Variants in SRGAP2 observed in about 807,000 individuals in gnomAD.
SRGAP2 encodes the protein SLIT-ROBO Rho GTPase-activating protein 2.
A neutral mutation model predicts 57.2 loss-of-function variants in SRGAP2; 15 were observed. That is an observed-to-expected ratio of 0.26 (90% CI 0.18 to 0.40). The LOEUF is 0.40. Ranked by LOEUF, SRGAP2 falls within the 10% of genes least tolerant of loss-of-function variation. SRGAP2 has a pLI of 1.00. For synonymous variants in SRGAP2, 249 were observed against 248.0 expected (o/e 1.00, Z -0.04); for missense variants, 520 against 669.6 (o/e 0.78, Z 2.47).
chr1:206,208,672 C>T (rs1367887465), intron 2 of SRGAP2, among the ~76,000 whole-genome samples: 3 of 152,206 alleles, frequency 2.0e-5, no homozygotes, highest in Admixed American at 6.5e-5. Context: ...TTTGGCTCTG[C>T]CCCCGACTAG....
chr1:206,396,295 GT>G (rs1291708861), intron 7 of SRGAP2, among the ~76,000 whole-genome samples: 1 of 142,216 alleles, frequency 7.0e-6, no homozygotes, highest in East Asian at 2.0e-4. Flanking sequence ...GGTTGGTTGG[GT>G]TTTTGTTGTT....
At chr1:206,296,633 T>G (rs1671612796) in intron 2 of SRGAP2, among the ~76,000 whole-genome samples, 2 of 152,190 alleles carry the variant, frequency 1.3e-5, no homozygotes, top group Non-Finnish European at 2.9e-5. Flanking sequence ...GATTTTGCCA[T>G]GTTGCCCAGG....
intron 2 of SRGAP2, among the ~76,000 whole-genome samples, chr1:206,253,668 C>T (rs1282959265): frequency 4.7e-5 from 7 of 149,046 alleles, no homozygotes; most frequent in Admixed American, 4.0e-4. Context: ...CTCCGCCTCC[C>T]GGGTTCACGC....
chr1:206,451,185 A>G (rs918130726), intron 19 of SRGAP2, among the ~76,000 whole-genome samples: 11 of 152,056 alleles, frequency 7.2e-5, no homozygotes, highest in African/African-American at 1.9e-4. Context: ...CCGGAACCCA[A>G]TAGAAGCAAG....
intron 2 of SRGAP2, among the ~76,000 whole-genome samples, chr1:206,226,507 T>G (rs1328963484): frequency 4.6e-5 from 7 of 152,118 alleles, no homozygotes; most frequent in Admixed American, 6.5e-5. Flanking sequence ...CCATCAACTA[T>G]GTGGCCCTGG....
chr1:206,461,028 G>T lies in SRGAP2; in HGVS notation c.2833-9G>T. 1 of 680,692 alleles carries T rather than the reference G, an allele frequency of 1.5e-6. No individual in the cohort carries two copies. Among genetic ancestry groups the T allele is most frequent in the South Asian group, 1.7e-5 (1 of 59,716 alleles). 42.2% of individuals were successfully genotyped at this position (680,692 alleles called of 1,614,324 possible). A position where few individuals can be genotyped will look rare whatever the true frequency, so the allele number is the denominator to read the frequency against. ...TTTGCCTCACCTCCTCCTTTTTCCT[G>T]TTTTGCAGGATATTGAGGCAACAAT... On this transcript the variant is annotated splice_polypyrimidine_tract_variant and intron_variant, in intron 22 of 22. Coordinates refer to ENST00000573034, the MANE Select transcript of SRGAP2 (RefSeq NM_015326.5).
chr1:206,248,693 G>T (rs1668648345), intron 2 of SRGAP2, among the ~76,000 whole-genome samples: 2 of 152,098 alleles, frequency 1.3e-5, no homozygotes, highest in Non-Finnish European at 2.9e-5. Context: ...TTGGAATTTA[G>T]TACCGTTTAG....
chr1:206,431,514 G>A (rs1661273987), intron 14 of SRGAP2, among the ~76,000 whole-genome samples: 1 of 152,194 alleles, frequency 6.6e-6, no homozygotes, highest in Non-Finnish European at 1.5e-5. Flanking sequence ...TTCAGGGGAG[G>A]ATGAATTATT....
intron 3 of SRGAP2, among the ~76,000 whole-genome samples, chr1:206,306,100 C>T (rs1469894982): frequency 6.6e-6 from 1 of 152,116 alleles, no homozygotes; most frequent in East Asian, 1.9e-4. Context: ...AGCTTATGGA[C>T]GTATTTGTTA....
intron 17 of SRGAP2, among the ~76,000 whole-genome samples, chr1:206,443,003 T>A (rs561867904): frequency 6.6e-6 from 1 of 152,342 alleles, no homozygotes; most frequent in East Asian, 1.9e-4. Context: ...TCTCAGTTTC[T>A]GTGGGTCTGG....
intron 4 of SRGAP2, among the ~76,000 whole-genome samples, chr1:206,365,488 G>C (rs1316702488): frequency 1.3e-5 from 2 of 151,618 alleles, no homozygotes; most frequent in Admixed American, 6.6e-5. Context: ...ATCTGTGGTT[G>C]ACAGAAGAAT....
chr1:206,416,253 G>A (rs539112962), intron 11 of SRGAP2, among the ~76,000 whole-genome samples: 21 of 152,252 alleles, frequency 1.4e-4, no homozygotes, highest in African/African-American at 4.6e-4. Flanking sequence ...CCTCTGCCAC[G>A]ACTAGGGTAG....
At chr1:206,332,990 G>A (rs1168112093) in intron 3 of SRGAP2, among the ~76,000 whole-genome samples, 2 of 151,526 alleles carry the variant, frequency 1.3e-5, no homozygotes, top group African/African-American at 2.4e-5. Flanking sequence ...GGTTTTCGGT[G>A]TGGATGTCCT....
chr1:206,268,471 A>G (rs1670013129), intron 2 of SRGAP2, among the ~76,000 whole-genome samples: 1 of 152,128 alleles, frequency 6.6e-6, no homozygotes, highest in Non-Finnish European at 1.5e-5. Flanking sequence ...TAGATATAAG[A>G]CTAAAGCATA....
At chr1:206,459,871 C>T (rs1441167408) in intron 22 of SRGAP2, among the ~76,000 whole-genome samples, 1 of 152,190 alleles carries the variant, frequency 6.6e-6, no homozygotes, top group African/African-American at 2.4e-5. Context: ...TGCTAGCCTT[C>T]TATTCTGTGC....
chr1:206,461,019 C>T lies in SRGAP2; in HGVS notation c.2833-18C>T, dbSNP rs1553380336. 5 of 677,228 alleles carry T rather than the reference C, an allele frequency of 7.4e-6. No homozygotes were observed. The highest frequency in any genetic ancestry group is 1.7e-5 in the South Asian group (1 of 59,184). The allele number at this position is 677,228 out of a possible 1,614,324, so 42.0% of individuals were successfully genotyped here. Reference sequence around the variant, plus strand: ...CTCCCCTCATTTGCCTCACCTCCTCCTTTTTCCTGTTTTGCAGGATATTGA... The same window carrying T: ...CTCCCCTCATTTGCCTCACCTCCTCTTTTTTCCTGTTTTGCAGGATATTGA... On this transcript the variant is annotated intron_variant, in intron 22 of 22. Transcript: ENST00000573034.
In SRGAP2 at chr1:206,453,237, C is replaced by A; in HGVS notation, c.2217C>A (p.Tyr739Ter). ...TCGAGGCCATTGCCAAGTTTGACTA[C>A]GTGGGCCGGACAGCCCGAGAGCTAT... ...EPIEAIAKFDYVGRTARELSF... is the reference protein window; with the variant it reads ...EPIEAIAKFD The change falls in exon 20 of 23, where the codon TAC (tyrosine) becomes TAA (stop). Residue 739 changes from tyrosine (Y) to a stop codon, truncating the protein, a stop_gained. Coordinates refer to ENST00000573034, the MANE Select transcript of SRGAP2 (RefSeq NM_015326.5). LOFTEE classifies it high-confidence loss of function. 1.6e-6 allele frequency: 1 copy of A among 634,282 alleles called. No homozygotes were observed. The highest frequency in any genetic ancestry group is 3.0e-6 in the Non-Finnish European group (1 of 337,432). 39.3% of individuals were successfully genotyped at this position (634,282 alleles called of 1,614,324 possible). A position where few individuals can be genotyped will look rare whatever the true frequency, so the allele number is the denominator to read the frequency against.
intron 13 of SRGAP2, among the ~76,000 whole-genome samples, chr1:206,423,174 C>G (rs534944686): frequency 1.4e-4 from 22 of 152,332 alleles, no homozygotes; most frequent in African/African-American, 5.3e-4. Flanking sequence ...CTCACTGCTG[C>G]TTCCAGACCT....
rs1671985334 is a variant in SRGAP2 at position 206,303,396 on chromosome 1, G to A, written c.183G>A (p.Met61Ile). 5.2e-6 allele frequency: 8 copies of A among 1,545,108 alleles called. No individual in the cohort carries two copies. The Admixed American group carries it at 1.6e-4, about 31-fold the overall frequency. Residue 61 changes from methionine (M) to isoleucine (I), a missense_variant, in exon 3 of 23, where the codon ATG (methionine) becomes ATA (isoleucine). Physicochemically the swap from Met to Ile is conservative, Grantham distance 10. Around this residue, in one of 5 missense-constraint regions of SRGAP2, gnomAD observed 26 missense variants for 202.3 expected, o/e 0.13. Transcript: ENST00000573034. ...TCCGAAAGAAGGCAGAGATTGAGAT[G>A]GACTACTCCCGCAACCTGGAGAAGC... ...DFFRKKAEIEMDYSRNLEKLA... is the reference protein window; with the variant it reads ...DFFRKKAEIEIDYSRNLEKLA...
Sources: allele counts gnomAD v4.1 joint callset (sites outside exome capture counted in the v4.1 genomes callset), GRCh38; gene constraint gnomAD v4.1.1; regional missense constraint gnomAD v4.1.1; transcripts MANE v1.5; gene names NCBI Gene and HGNC (gene_info 2026-07-23, HGNC 2026-07-21).